DMXL2: variants seen among roughly 807,000 people sequenced by gnomAD.
DMXL2 encodes the protein Dmx like 2.
Under a neutral mutation model 331.1 loss-of-function variants are expected in DMXL2, and 103 were observed. That is an observed-to-expected ratio of 0.31 (90% CI 0.27 to 0.37). DMXL2 has a LOEUF of 0.37. Among genes scored for constraint, DMXL2 ranks in the 10% least tolerant of loss-of-function variants. The pLI, the probability that DMXL2 is intolerant of heterozygous loss-of-function variation, is 1.00. For synonymous variants in DMXL2, 1,281 were observed against 1,252.1 expected, an observed-to-expected ratio of 1.02 and a Z score of -0.49; for missense variants, 3,171 against 3,642.9, an observed-to-expected ratio of 0.87 and a Z score of 3.33.
chr15:51,461,402 T>C (rs932517758), intron 33 of DMXL2, among the ~76,000 whole-genome samples: 1 of 152,196 alleles, frequency 6.6e-6, no homozygotes, highest in Admixed American at 6.5e-5. Context: ...CTCTGACAAG[T>C]CAACCAGTCA....
At chr15:51,600,828 G>T (rs1204450238) in intron 1 of DMXL2, among the ~76,000 whole-genome samples, 1 of 152,034 alleles carries the variant, frequency 6.6e-6, no homozygotes, top group Non-Finnish European at 1.5e-5. Flanking sequence ...CATCTACCAA[G>T]ATAAAAAACT....
At chr15:51,578,897 G>A (rs2051222913) in intron 1 of DMXL2, among the ~76,000 whole-genome samples, 1 of 152,172 alleles carries the variant, frequency 6.6e-6, no homozygotes, top group African/African-American at 2.4e-5. Flanking sequence ...TTGAGCCTAG[G>A]AGTTCGAGAA....
intron 14 of DMXL2, 49 bp downstream of exon 14, chr15:51,517,029 C>A: frequency 7.0e-7 from 1 of 1,425,536 alleles, no homozygotes; most frequent in Non-Finnish European, 9.9e-7. Flanking sequence ...ATATAAAACA[C>A]CATGGGATAA....
intron 1 of DMXL2, among the ~76,000 whole-genome samples, chr15:51,582,617 C>T (rs894628836): frequency 6.6e-6 from 1 of 152,108 alleles, no homozygotes; most frequent in African/African-American, 2.4e-5. Flanking sequence ...TTTTAGTCAC[C>T]TAATTAAAAC....
At chr15:51,560,942 A>T (rs561066544) in intron 6 of DMXL2, among the ~76,000 whole-genome samples, 4 of 151,874 alleles carry the variant, frequency 2.6e-5, no homozygotes, top group Non-Finnish European at 2.9e-5. Context: ...ATTATATCTT[A>T]TATAACATGT....
chr15:51,620,273 G>A (rs2054544243), intron 1 of DMXL2, among the ~76,000 whole-genome samples: 1 of 152,146 alleles, frequency 6.6e-6, no homozygotes, highest in Non-Finnish European at 1.5e-5. Context: ...AACTAAGGTA[G>A]TTAAATGAGA....
intron 1 of DMXL2, among the ~76,000 whole-genome samples, chr15:51,582,772 T>G (rs1328477558): frequency 6.6e-6 from 1 of 152,126 alleles, no homozygotes; most frequent in Non-Finnish European, 1.5e-5. Context: ...ACATAAAATG[T>G]TTAATATTAA....
At chr15:51,509,079 A>T (rs139017740) in intron 15 of DMXL2, among the ~76,000 whole-genome samples, 34 of 152,268 alleles carry the variant, frequency 2.2e-4, no homozygotes, top group Non-Finnish European at 4.6e-4. Flanking sequence ...CATCACCCAG[A>T]ATGTTGAACC....
rs2048651435 is a variant in DMXL2 at position 51,542,450 on chromosome 15, T to C, written c.988A>G (p.Thr330Ala). Residue 330 changes from threonine to alanine, a missense_variant, in exon 9 of 44, where the codon ACT becomes GCT. Coordinates refer to ENST00000560891, the MANE Select transcript of DMXL2 (RefSeq NM_001378457.1). ...KGQRRSSVLV[T>A]HAELMPDQTA... ...TGGTCGGGCATTAATTCAGCATGAG[T>C]TACAAGAACAGATGACCTCCTCTGT... 1 of 1,613,678 alleles carries C rather than the reference T, an allele frequency of 6.2e-7. No individual in the cohort carries two copies.
intron 1 of DMXL2, among the ~76,000 whole-genome samples, chr15:51,605,776 C>T (rs191292859): frequency 2.2e-5 from 1 of 44,648 alleles, no homozygotes. Flanking sequence ...ATCTCCTGAC[C>T]TCATGATCCA....
At chr15:51,582,264 G>A (rs942593168) in intron 1 of DMXL2, among the ~76,000 whole-genome samples, 14 of 152,100 alleles carry the variant, frequency 9.2e-5, no homozygotes, top group African/African-American at 2.9e-4. Context: ...AAATTCCTAT[G>A]TCACAAGGTA....
intron 23 of DMXL2, among the ~76,000 whole-genome samples, chr15:51,485,715 A>G (rs2042343687): frequency 6.6e-6 from 1 of 152,210 alleles, no homozygotes; most frequent in Admixed American, 6.5e-5. Context: ...TATCTAAATT[A>G]TTTAGGATAA....
chr15:51,449,182 C>T lies in DMXL2; in HGVS notation c.8979G>A (p.Leu2993=). The T allele has an allele frequency of 6.2e-7, 1 of 1,613,970 alleles. No homozygotes were observed. Among genetic ancestry groups the T allele is most frequent in the Non-Finnish European group, 8.5e-7 (1 of 1,179,896 alleles). The stretch of plus-strand genomic sequence containing the variant: ...ATGAATGAATTAGGCCATGGCCTGT[C>T]AATCTCCAAACCTAGTGCAAAACAA... The part of the protein sequence containing the change: ...SAEGNIKVWR[L]TGHGLIHSFK... The change falls in exon 44 of 44, where the codon TTG becomes TTA. Residue 2993 remains leucine, a synonymous_variant. Transcript: ENST00000560891.
chr15:51,496,149 G>A (rs149426176), intron 18 of DMXL2, among the ~76,000 whole-genome samples: 76 of 152,056 alleles, frequency 5.0e-4, no homozygotes, highest in Non-Finnish European at 9.3e-4. Flanking sequence ...TCATTCGTCC[G>A]TTTATTCATT....
rs1407313016 is a variant in DMXL2 at position 51,464,107 on chromosome 15, T to C, written c.7808+568A>G. 2.0e-5 allele frequency among the ~76,000 whole-genome samples: 3 copies of C among 152,122 alleles called. No homozygotes were observed. In the East Asian group the frequency reaches 5.8e-4, roughly 29 times the overall value. On this transcript the variant is annotated intron_variant, in intron 32 of 43. Coordinates refer to ENST00000560891, the MANE Select transcript of DMXL2 (RefSeq NM_001378457.1). Reference sequence around the variant, plus strand: ...AAAAATTCTGTAAGAGTTCTGACAATAAGAACATAAATATGCCATACGCAG... The same window carrying C: ...AAAAATTCTGTAAGAGTTCTGACAACAAGAACATAAATATGCCATACGCAG...
At chr15:51,464,554 TAAA>T in intron 32 of DMXL2, 118 bp downstream of exon 32, 1 of 751,970 alleles carries the variant, frequency 1.3e-6, no homozygotes, top group Admixed American at 3.0e-5. Flanking sequence ...CGTATTCTGC[TAAA>T]AATAGGACTG....
chr15:51,515,682 CCT>C (rs1324590678), intron 14 of DMXL2, among the ~76,000 whole-genome samples: 1 of 152,026 alleles, frequency 6.6e-6, no homozygotes, highest in Non-Finnish European at 1.5e-5. Flanking sequence ...TTTACCAGCC[CCT>C]GTGTTAAAAA....
intron 2 of DMXL2, among the ~76,000 whole-genome samples, chr15:51,572,916 G>C (rs2050768938): frequency 6.6e-6 from 1 of 152,182 alleles, no homozygotes; most frequent in Non-Finnish European, 1.5e-5. Context: ...ATTCAACACA[G>C]TACTGGAAGT....
intron 9 of DMXL2, among the ~76,000 whole-genome samples, chr15:51,541,395 T>A (rs1257670025): frequency 6.6e-6 from 1 of 152,168 alleles, no homozygotes; most frequent in Non-Finnish European, 1.5e-5. Flanking sequence ...AAATTATTTA[T>A]GAAATATTTT....
Sources: allele counts gnomAD v4.1 joint callset (sites outside exome capture counted in the v4.1 genomes callset), GRCh38; gene constraint gnomAD v4.1.1; transcripts MANE v1.5; gene names NCBI Gene and HGNC (gene_info 2026-07-23, HGNC 2026-07-21).